Variants in DRC8 observed in about 807,000 individuals in gnomAD.
DRC8 encodes the protein dynein regulatory complex subunit 8, also known as dynein regulatory complex protein 8.
the DRC8 span, chr1:245,083,670 A>C: frequency 6.2e-7 from 1 of 1,610,638 alleles, no homozygotes; most frequent in Non-Finnish European, 8.5e-7. Context: ...CGAGCTGATC[A>C]AGTATATGAC....
At chr1:245,092,781 A>G in the DRC8 span, among the ~76,000 whole-genome samples, 1 of 152,088 alleles carries the variant, frequency 6.6e-6, no homozygotes, top group South Asian at 2.1e-4. Flanking sequence ...TGATTACGTA[A>G]TTGGCCCAGA....
At chr1:244,998,991 C>T in the DRC8 span, among the ~76,000 whole-genome samples, 1 of 138,716 alleles carries the variant, frequency 7.2e-6, no homozygotes, top group South Asian at 2.3e-4. Context: ...AGAAGGTAGA[C>T]ACTTTTCTGC....
At chr1:245,114,400 G>A in the DRC8 span, among the ~76,000 whole-genome samples, 1 of 152,136 alleles carries the variant, frequency 6.6e-6, no homozygotes, top group African/African-American at 2.4e-5. Flanking sequence ...CGGAGGCAGA[G>A]GTTGCAGTGA....
the DRC8 span, among the ~76,000 whole-genome samples, chr1:245,052,315 T>C: frequency 1.3e-5 from 2 of 152,186 alleles, no homozygotes; most frequent in African/African-American, 4.8e-5. Context: ...TTCAGGATTA[T>C]GGACTAACAG....
the DRC8 span, chr1:245,087,357 T>C: frequency 6.3e-7 from 1 of 1,580,328 alleles, no homozygotes; most frequent in African/African-American, 1.4e-5. Context: ...TAGATGAAAA[T>C]TAAATGTTCT....
At chr1:245,100,223 A>G in the DRC8 span, among the ~76,000 whole-genome samples, 1 of 151,970 alleles carries the variant, frequency 6.6e-6, no homozygotes, top group East Asian at 1.9e-4. Flanking sequence ...AGTCTCTACT[A>G]AAAATACAAA....
the DRC8 span, among the ~76,000 whole-genome samples, chr1:245,046,366 T>C: frequency 6.6e-6 from 1 of 152,020 alleles, no homozygotes; most frequent in Non-Finnish European, 1.5e-5. Flanking sequence ...TGGCCTCATA[T>C]TTTCCTGACC....
chr1:245,015,270 T>C, the DRC8 span, among the ~76,000 whole-genome samples: 3 of 152,216 alleles, frequency 2.0e-5, no homozygotes, highest in Non-Finnish European at 2.9e-5. Context: ...GCTCCCATGC[T>C]TAGCACAATT....
chr1:245,105,622 C>CAAAAAAAAAAAAAAA, the DRC8 span, among the ~76,000 whole-genome samples: 2 of 114,370 alleles, frequency 1.7e-5, no homozygotes, highest in Admixed American at 9.9e-5. Flanking sequence ...GACCCCATCT[C>CAAAAAAAAAAAAAAA]AAAAAAAAAA....
the DRC8 span, among the ~76,000 whole-genome samples, chr1:245,105,789 A>AT: frequency 6.6e-6 from 1 of 152,188 alleles, no homozygotes; most frequent in Non-Finnish European, 1.5e-5. Flanking sequence ...GAAAACATGC[A>AT]TTTTTGGCTG....
At chr1:245,065,109 AG>A in the DRC8 span, among the ~76,000 whole-genome samples, 2 of 50,356 alleles carry the variant, frequency 4.0e-5, no homozygotes, top group Non-Finnish European at 9.0e-5. Flanking sequence ...TATTTTTAGT[AG>A]AGACAGGGTT....
chr1:245,036,579 T>C, the DRC8 span, among the ~76,000 whole-genome samples: 44 of 152,174 alleles, frequency 2.9e-4, no homozygotes, highest in East Asian at 6.9e-3. Context: ...AGCCAAAAAA[T>C]AGAAACAACT....
the DRC8 span, among the ~76,000 whole-genome samples, chr1:245,106,617 C>T: frequency 6.6e-6 from 1 of 152,090 alleles, no homozygotes; most frequent in African/African-American, 2.4e-5. Context: ...TAAATTTTGT[C>T]ATTCATCGAT....
chr1:245,120,743 T>C, the DRC8 span, among the ~76,000 whole-genome samples: 3 of 152,260 alleles, frequency 2.0e-5, no homozygotes, highest in Admixed American at 6.5e-5. Flanking sequence ...CACCTGTCAC[T>C]TCGCACCTTA....
chr1:245,061,066 C>T, the DRC8 span, among the ~76,000 whole-genome samples: 1 of 152,188 alleles, frequency 6.6e-6, no homozygotes, highest in East Asian at 1.9e-4. Flanking sequence ...CTATGGGCTT[C>T]TGTGCCAAAG....
chr1:245,013,142 A>G, the DRC8 span, among the ~76,000 whole-genome samples: 139 of 63,842 alleles, frequency 2.2e-3, no homozygotes, highest in African/African-American at 8.0e-3. Flanking sequence ...CAAAAACAAA[A>G]AACAAAGAAC....
At chr1:245,049,927 A>G in the DRC8 span, among the ~76,000 whole-genome samples, 2 of 152,208 alleles carry the variant, frequency 1.3e-5, no homozygotes, top group East Asian at 3.8e-4. This position sits in a 1 kb window ranked among gnomAD's most constrained non-coding sequence, Gnocchi z 4.5. Context: ...CATCTGTAAA[A>G]TAGTACCTTT....
the DRC8 span, among the ~76,000 whole-genome samples, chr1:244,973,269 A>G: frequency 6.6e-6 from 1 of 152,242 alleles, no homozygotes; most frequent in Non-Finnish European, 1.5e-5. Flanking sequence ...AGCTTCGGGT[A>G]GTGTGAATTT....
At chr1:245,037,196 A>T in the DRC8 span, among the ~76,000 whole-genome samples, 1 of 152,254 alleles carries the variant, frequency 6.6e-6, no homozygotes, top group Non-Finnish European at 1.5e-5. Flanking sequence ...AACTTAAAAA[A>T]GACTGCATTA....
Sources: allele counts gnomAD v4.1 joint callset (sites outside exome capture counted in the v4.1 genomes callset), GRCh38; gene constraint gnomAD v4.1.1; non-coding constraint Gnocchi (gnomAD v3.1); transcripts MANE v1.5; gene names NCBI Gene and HGNC (gene_info 2026-07-23, HGNC 2026-07-21).